Variants in HAUS5 observed in about 807,000 individuals in gnomAD.
HAUS5 encodes HAUS augmin-like complex subunit 5.
HAUS5 carries 67 observed loss-of-function variants against 94.1 expected under a neutral mutation model. The ratio of observed to expected loss-of-function variants is 0.71; its 90% CI spans 0.58 to 0.87. The LOEUF is 0.87. HAUS5 is among the 40% of genes least tolerant of loss of function. The pLI, the probability that HAUS5 is intolerant of heterozygous loss-of-function variation, is 0.00. For synonymous variants in HAUS5, 339 were observed against 355.4 expected, an observed-to-expected ratio of 0.95 and a Z score of 0.52; for missense variants, 739 against 825.6, an observed-to-expected ratio of 0.90 and a Z score of 1.29.
chr19:35,619,582 A>G (rs764878589), intron 14 of HAUS5, 31 bp from the exon 15 acceptor site: 14 of 1,580,400 alleles, frequency 8.9e-6, no homozygotes, highest in Non-Finnish European at 7.8e-6. Context: ...TGATGTTGTG[A>G]TGCCCCACCC....
At position 35,617,200 on chromosome 19, in the gene HAUS5, G is replaced by C. The variant is rs760435785; in HGVS notation, c.555+7G>C. 1.2e-6 allele frequency: 2 copies of C among 1,613,704 alleles called. No individual in the cohort carries two copies. Among genetic ancestry groups the C allele is most frequent in the South Asian group, 2.2e-5 (2 of 91,074 alleles). ...CCTGGAGCCCGTGGTCCTGGTAAGA[G>C]TCCTGGTCATGGGAGAAGGGGCAGG... On this transcript the variant is annotated splice_region_variant and intron_variant, in intron 7 of 18. Coordinates refer to ENST00000203166, the MANE Select transcript of HAUS5 (RefSeq NM_015302.2).
chr19:35,620,356 CT>C, intron 17 of HAUS5, 29 bp downstream of exon 17: 1 of 1,600,686 alleles, frequency 6.2e-7, no homozygotes, highest in Non-Finnish European at 8.5e-7. Flanking sequence ...CCCATCCAGC[CT>C]CCCCGCCCAT....
At chr19:35,619,584 G>GGCCCCCCCCCCCC in intron 14 of HAUS5, 29 bp from the exon 15 acceptor site, 1 of 1,533,892 alleles carries the variant, frequency 6.5e-7, no homozygotes, top group Non-Finnish European at 8.9e-7. Flanking sequence ...ATGTTGTGAT[G>GGCCCCCCCCCCCC]CCCCACCCAC....
Position 35,622,944 on chromosome 19 carries a change from G to A in HAUS5, c.1853G>A (p.Arg618Gln), listed in dbSNP as rs1213665135. ...LCQGLSLPQW[R>Q]LRWVQAQGAL... ...CAGGGCCTGTCCCTGCCCCAGTGGC[G>A]GCTGCGCTGGGTTCAGGCCCAGGGG... The change falls in exon 19 of 19, where the codon CGG becomes CAG. Residue 618 changes from arginine (R) to glutamine (Q), a missense_variant. Physicochemically the swap from Arg to Gln is conservative, Grantham distance 43. Transcript: ENST00000203166. The A allele has an allele frequency of 8.7e-6, 14 of 1,613,642 alleles. No individual in the cohort carries two copies. Among genetic ancestry groups the A allele is most frequent in the East Asian group, 4.5e-5 (2 of 44,884 alleles).
At position 35,612,774 on chromosome 19, in the gene HAUS5, T is replaced by G. The variant is rs2071905683; in HGVS notation, c.-21T>G. The G allele has an allele frequency of 1.3e-6, 2 of 1,532,086 alleles. No individual in the cohort carries two copies. The highest frequency in any genetic ancestry group is 4.5e-4 in the Middle Eastern group (2 of 4,402). 94.9% of individuals were successfully genotyped at this position (1,532,086 alleles called of 1,614,324 possible). ...CACTTGAAGAGGCTGAGGGAGGCGG[T>G]GTCGCCGCCGCGGCGCTGTCATGGA... On this transcript the variant is annotated 5_prime_UTR_variant, in exon 1 of 19. Transcript: ENST00000203166.
chr19:35,613,578 A>AG, intron 1 of HAUS5, 152 bp from the exon 2 acceptor site: 2 of 615,500 alleles, frequency 3.2e-6, no homozygotes, highest in Non-Finnish European at 5.7e-6. Context: ...CTTAAAAAAA[A>AG]AAAAAAAAAA....
At chr19:35,612,960 C>A in intron 1 of HAUS5, 68 bp downstream of exon 1, 2 of 1,101,886 alleles carry the variant, frequency 1.8e-6, no homozygotes, top group Non-Finnish European at 2.5e-6. Flanking sequence ...GAGAACTCCA[C>A]CCCTCATTGA....
intron 17 of HAUS5, among the ~76,000 whole-genome samples, 183 bp from the exon 18 acceptor site, chr19:35,622,418 C>T (rs1053126823): frequency 6.6e-6 from 1 of 150,716 alleles, no homozygotes; most frequent in Non-Finnish European, 1.5e-5. Context: ...GACAGGTCCT[C>T]ATCTCAAGGG....
chr19:35,617,359 G>A lies in HAUS5; in HGVS notation c.628G>A (p.Gly210Ser), dbSNP rs1359263909. 6.2e-7 allele frequency: 1 copy of A among 1,612,650 alleles called. No individual in the cohort carries two copies. The highest frequency in any genetic ancestry group is 8.5e-7 in the Non-Finnish European group (1 of 1,178,684). Reference sequence around the variant, plus strand: ...CCTCCTGCTTCCCCAGGCCAAGAGGGGCAGCCTCCCGTGAGTGTCCCTAGC... The same window carrying A: ...CCTCCTGCTTCCCCAGGCCAAGAGGAGCAGCCTCCCGTGAGTGTCCCTAGC... ...QNLLLPQAKR[G>S]SLPTPHDDHF... Residue 210 changes from glycine (G) to serine (S), a missense_variant, in exon 8 of 19, where the codon GGC becomes AGC. Transcript: ENST00000203166.
chr19:35,617,707 C>T (rs996821906), intron 8 of HAUS5, 148 bp from the exon 9 acceptor site: 3 of 724,998 alleles, frequency 4.1e-6, no homozygotes, highest in East Asian at 2.6e-5. Flanking sequence ...TGTAAAGGCC[C>T]CAAAGCCAGC....
rs565303920 is a variant in HAUS5 at position 35,617,012 on chromosome 19, G to A, written c.486-112G>A. On this transcript the variant is annotated intron_variant, in intron 6 of 18. Coordinates refer to ENST00000203166, the MANE Select transcript of HAUS5 (RefSeq NM_015302.2). Reference sequence around the variant, plus strand: ...GTGGCCTAATCTGGAGATGGCTCCCGAGATCTAGGCTTAGTGATTCCTCTG... The same window carrying A: ...GTGGCCTAATCTGGAGATGGCTCCCAAGATCTAGGCTTAGTGATTCCTCTG... 54 of 840,842 alleles carry A rather than the reference G, an allele frequency of 6.4e-5. 2 individuals carry two copies. The highest frequency in any genetic ancestry group is 7.1e-4 in the Middle Eastern group (2 of 2,802). The allele number at this position is 840,842 out of a possible 1,614,324, so 52.1% of individuals were successfully genotyped here.
intron 6 of HAUS5, 55 bp downstream of exon 6, chr19:35,615,441 G>A (rs2071934811): frequency 7.1e-7 from 1 of 1,409,630 alleles, no homozygotes; most frequent in Admixed American, 2.0e-5. Flanking sequence ...TTCTCTTAGA[G>A]ACCTCAGGGC....
At position 35,624,499 on chromosome 19, in the gene HAUS5, G is replaced by A. The variant is rs988274211; in HGVS notation, c.*1506G>A. ...GAGACAGAATCTGGCTGTTTCCCAG[G>A]CTGAAGTGCAGTGGCATGAACTCAG... On this transcript the variant is annotated 3_prime_UTR_variant, in exon 19 of 19. Coordinates refer to ENST00000203166, the MANE Select transcript of HAUS5 (RefSeq NM_015302.2). The A allele has an allele frequency of 6.6e-6, 1 of 151,444 alleles. No homozygotes were observed. The highest frequency in any genetic ancestry group is 1.5e-5 in the Non-Finnish European group (1 of 67,956). 9.4% of individuals were successfully genotyped at this position (151,444 alleles called of 1,614,324 possible).
chr19:35,618,764 CT>C (rs1382846989), intron 12 of HAUS5, 65 bp downstream of exon 12: 2 of 1,530,516 alleles, frequency 1.3e-6, no homozygotes, highest in African/African-American at 1.4e-5. Flanking sequence ...GCCCATTGGA[CT>C]TTTTCAGCCT....
intron 6 of HAUS5, among the ~76,000 whole-genome samples, chr19:35,616,056 C>A (rs1001410562): frequency 1.3e-5 from 2 of 152,180 alleles, no homozygotes; most frequent in Admixed American, 6.5e-5. Context: ...GTGGCTCACA[C>A]CTGTAATCCC....
chr19:35,618,691 C>T lies in HAUS5; in HGVS notation c.1008C>T (p.Ser336=), dbSNP rs1160287013. ...AGGTGGAGAGACGCGTCCTGGGATCCAGTGAGAGGTGGGGGGCTCTCCGAG... is the reference window on the plus strand; with the variant it reads ...AGGTGGAGAGACGCGTCCTGGGATCTAGTGAGAGGTGGGGGGCTCTCCGAG... ...VEEVERRVLG[S]SERQVLILGL... is the part of the protein sequence containing the mutation. The change falls in exon 12 of 19, where the codon TCC becomes TCT. Residue 336 remains serine (S), a synonymous_variant. Coordinates refer to ENST00000203166, the MANE Select transcript of HAUS5 (RefSeq NM_015302.2). 6.3e-7 allele frequency: 1 copy of T among 1,593,420 alleles called. No homozygotes were observed.
intron 14 of HAUS5, 29 bp from the exon 15 acceptor site, chr19:35,619,584 G>GCGCCCCCCCCCCC: frequency 7.8e-6 from 12 of 1,533,876 alleles, no homozygotes; most frequent in South Asian, 2.4e-5. Context: ...ATGTTGTGAT[G>GCGCCCCCCCCCCC]CCCCACCCAC....
In HAUS5 at chr19:35,620,018, G is replaced by T. The variant is rs746408097; in HGVS notation, c.1413G>T (p.Lys471Asn). ...GACTTCTCCCCGCCCGTAGGTTGAA[G>T]CCCCTGCCCACGGTCCTCCCATCCA... Reference protein sequence around the residue: ...TLLRHRPGELKPLPTVLPSIH... With the variant: ...TLLRHRPGELNPLPTVLPSIH... Residue 471 changes from lysine to asparagine, a missense_variant, in exon 16 of 19, where the codon AAG becomes AAT. Physicochemically the swap from Lys to Asn is moderately conservative, Grantham distance 94. Coordinates refer to ENST00000203166, the MANE Select transcript of HAUS5 (RefSeq NM_015302.2). The T allele has an allele frequency of 1.1e-5, 17 of 1,610,866 alleles. No homozygotes were observed. The highest frequency in any genetic ancestry group is 1.4e-5 in the Non-Finnish European group (16 of 1,178,452).
intron 6 of HAUS5, 96 bp downstream of exon 6, chr19:35,615,482 T>C: frequency 1.0e-6 from 1 of 974,336 alleles, no homozygotes; most frequent in Non-Finnish European, 1.5e-6. Flanking sequence ...GGTTCCAGAA[T>C]TCTGGAACCA....
Sources: allele counts gnomAD v4.1 joint callset (sites outside exome capture counted in the v4.1 genomes callset), GRCh38; gene constraint gnomAD v4.1.1; transcripts MANE v1.5; gene names NCBI Gene and HGNC (gene_info 2026-07-23, HGNC 2026-07-21).